The following LHPP variants were observed in gnomAD, a reference collection of about 807,000 sequenced individuals.
LHPP encodes hLHPP.
In LHPP, 24 loss-of-function variants were observed where a neutral mutation model predicts 30.3. The ratio of observed to expected loss-of-function variants is 0.79; its 90% confidence interval spans 0.57 to 1.11. The LOEUF (loss-of-function observed/expected upper bound fraction) is 1.11. Among genes scored for constraint, LHPP ranks in the 50% most tolerant of loss-of-function variants. The pLI, the probability that LHPP is intolerant of heterozygous loss-of-function variation, is 0.00. For missense variants in LHPP, 356 were observed against 367.2 expected, an observed-to-expected ratio of 0.97 and a Z score of 0.25; for synonymous variants, 150 against 157.1, an observed-to-expected ratio of 0.95 and a Z score of 0.34.
In LHPP at chr10:124,585,820, C is replaced by T. The variant is rs192250126; in HGVS notation, c.717-27444C>T. ...TTCTTTTTTTGGAGATAGAGTCTTG[C>T]TCTGTCCAGGCTGGAGTGCAGTGGC... On this transcript the variant is annotated intron_variant, in intron 6 of 6. Transcript: ENST00000368842. 4.1e-3 allele frequency among the ~76,000 whole-genome samples: 625 copies of T among 151,950 alleles called. 5 individuals carry two copies. The highest frequency in any genetic ancestry group is 0.01 in the Middle Eastern group (3 of 294).
chr10:124,581,859 G>C (rs1209221153), intron 6 of LHPP, among the ~76,000 whole-genome samples: 2 of 152,192 alleles, frequency 1.3e-5, no homozygotes, highest in Admixed American at 1.3e-4. Context: ...TTGGCTTACT[G>C]CAAGCTCCGC....
chr10:124,575,869 G>C (rs1948652050), intron 6 of LHPP, among the ~76,000 whole-genome samples: 1 of 152,200 alleles, frequency 6.6e-6, no homozygotes, highest in Admixed American at 6.5e-5. Flanking sequence ...TGTTGGGTGT[G>C]CGAGGTCGCA....
At chr10:124,612,405 AAAAAAAT>A (rs934120039) in intron 6 of LHPP, among the ~76,000 whole-genome samples, 64 of 152,134 alleles carry the variant, frequency 4.2e-4, no homozygotes, top group African/African-American at 1.5e-3. Flanking sequence ...ACTTGGTCTC[AAAAAAAT>A]AAAAAATAAA....
chr10:124,475,765 G>A (rs547479367), intron 1 of LHPP, among the ~76,000 whole-genome samples: 43 of 152,198 alleles, frequency 2.8e-4, no homozygotes, highest in African/African-American at 9.9e-4. Flanking sequence ...GGCCCTCAGG[G>A]ACGTCGGGCT....
In LHPP at chr10:124,484,306, C is replaced by T; in HGVS notation, c.293C>T (p.Pro98Leu). 1 of 1,613,262 alleles carries T rather than the reference C, an allele frequency of 6.2e-7. No homozygotes were observed. Among genetic ancestry groups the T allele is most frequent in the Non-Finnish European group, 8.5e-7 (1 of 1,179,418 alleles). Residue 98 changes from proline (P) to leucine (L), a missense_variant, in exon 2 of 7, where the codon CCA becomes CTA. Coordinates refer to ENST00000368842, the MANE Select transcript of LHPP (RefSeq NM_022126.4). ...CQILKEQGLR[P>L]YLLIHDGVRS... ...ATCCTGAAGGAGCAAGGCCTGCGAC[C>T]ATACCTGCTCATCCATGACGGTAGG...
At chr10:124,578,677 T>C (rs902332139) in intron 6 of LHPP, among the ~76,000 whole-genome samples, 1 of 152,162 alleles carries the variant, frequency 6.6e-6, no homozygotes, top group Admixed American at 6.5e-5. Context: ...TGAGGGGACA[T>C]AGGCACAGTT....
intron 6 of LHPP, among the ~76,000 whole-genome samples, chr10:124,535,782 G>C (rs1162949570): frequency 6.6e-6 from 1 of 152,242 alleles, no homozygotes; most frequent in Non-Finnish European, 1.5e-5. Flanking sequence ...CCAGAGGCCA[G>C]GTATCAGGAG....
At chr10:124,501,651 A>G (rs77619678) in intron 5 of LHPP, among the ~76,000 whole-genome samples, 3,916 of 150,954 alleles carry the variant, frequency 0.026, 146 homozygotes, top group East Asian at 0.11. Flanking sequence ...GACAGTGATG[A>G]TGGTGGCACG....
chr10:124,573,129 G>A (rs1307777389), intron 6 of LHPP, among the ~76,000 whole-genome samples: 2 of 152,170 alleles, frequency 1.3e-5, no homozygotes, highest in East Asian at 1.9e-4. Flanking sequence ...TTTTATAAAC[G>A]TGTTTGTGTT....
chr10:124,527,168 G>A (rs1394366989), intron 6 of LHPP, among the ~76,000 whole-genome samples: 1 of 152,238 alleles, frequency 6.6e-6, no homozygotes, highest in Non-Finnish European at 1.5e-5. Flanking sequence ...CACGGCCAGG[G>A]CTGGTGGCGC....
At chr10:124,533,642 A>AC (rs1461157793) in intron 6 of LHPP, among the ~76,000 whole-genome samples, 1 of 151,802 alleles carries the variant, frequency 6.6e-6, no homozygotes, top group Non-Finnish European at 1.5e-5. Context: ...GTCCTCCCTT[A>AC]CCCCCGTGTG....
At chr10:124,612,174 C>T (rs182262306) in intron 6 of LHPP, among the ~76,000 whole-genome samples, 34 of 152,230 alleles carry the variant, frequency 2.2e-4, no homozygotes, top group African/African-American at 7.5e-4. Flanking sequence ...GAGGCTAAGG[C>T]GGGCAAATCA....
chr10:124,501,264 G>T (rs1235868616), intron 5 of LHPP, among the ~76,000 whole-genome samples: 1 of 151,896 alleles, frequency 6.6e-6, no homozygotes, highest in Non-Finnish European at 1.5e-5. Context: ...GGAATGGGGA[G>T]TGCAGCTTCA....
chr10:124,523,711 C>T lies in LHPP; in HGVS notation c.716+6440C>T, dbSNP rs1589827461. ...TCCAGGAGTCAGGACCCTCCTGCTG[C>T]CCTCCTGTGTAAACAGACCAGCCAG... On this transcript the variant is annotated intron_variant, in intron 6 of 6. Coordinates refer to ENST00000368842, the MANE Select transcript of LHPP (RefSeq NM_022126.4). The surrounding 1 kb of genome is among the most constrained non-coding windows in gnomAD (Gnocchi z 4.2). Among the ~76,000 whole-genome samples, 1 of 152,174 alleles carries T rather than the reference C, an allele frequency of 6.6e-6. No homozygotes were observed. The highest frequency in any genetic ancestry group is 2.4e-5 in the African/African-American group (1 of 41,432).
At chr10:124,488,137 G>A (rs140186890) in intron 2 of LHPP, among the ~76,000 whole-genome samples, 194 of 152,264 alleles carry the variant, frequency 1.3e-3, no homozygotes, top group African/African-American at 4.3e-3. Context: ...TCCTGCCTGC[G>A]ATAGTGACCT....
intron 6 of LHPP, among the ~76,000 whole-genome samples, chr10:124,578,571 AGG>A (rs1289269524): frequency 2.0e-5 from 3 of 152,202 alleles, no homozygotes; most frequent in African/African-American, 7.2e-5. Context: ...GGGAGCTCAG[AGG>A]GTGACATCTC....
At chr10:124,508,339 C>T (rs763436864) in intron 5 of LHPP, among the ~76,000 whole-genome samples, 3 of 152,140 alleles carry the variant, frequency 2.0e-5, no homozygotes, top group Non-Finnish European at 2.9e-5. Context: ...CCTGCTGGGC[C>T]GTGCCCACTT....
intron 3 of LHPP, among the ~76,000 whole-genome samples, chr10:124,491,069 C>T (rs903124338): frequency 1.2e-4 from 18 of 151,222 alleles, no homozygotes; most frequent in Admixed American, 1.1e-3. Context: ...CAGGGTTCTG[C>T]ACAGCCTAGA....
intron 5 of LHPP, among the ~76,000 whole-genome samples, chr10:124,503,187 C>T (rs1203452203): frequency 1.3e-5 from 2 of 151,890 alleles, no homozygotes. Context: ...CTGCCTCAGC[C>T]TCTTGAGTAG....
Sources: allele counts gnomAD v4.1 joint callset (sites outside exome capture counted in the v4.1 genomes callset), GRCh38; gene constraint gnomAD v4.1.1; non-coding constraint Gnocchi (gnomAD v3.1); transcripts MANE v1.5; gene names NCBI Gene and HGNC (gene_info 2026-07-23, HGNC 2026-07-21).